Variants in GALNT17 observed in about 807,000 individuals in gnomAD.
GALNT17 encodes UDP-GalNAc:polypeptide N-acetylgalactosaminyltransferase-like 3.
A neutral mutation model predicts 63.7 loss-of-function variants in GALNT17; 29 were observed. That is an observed-to-expected ratio of 0.46 (90% CI 0.34 to 0.62). GALNT17 has a LOEUF of 0.62. Ranked by LOEUF, GALNT17 falls within the 20% of genes least tolerant of loss-of-function variation. The pLI is 0.01. For synonymous variants in GALNT17, 305 were observed against 318.3 expected (o/e 0.96, Z 0.45); for missense variants, 603 against 799.6 (o/e 0.75, Z 2.97).
intron 9 of GALNT17, among the ~76,000 whole-genome samples, chr7:71,704,882 C>G (rs1562743689): frequency 6.6e-6 from 1 of 152,012 alleles, no homozygotes; most frequent in Non-Finnish European, 1.5e-5. Context: ...CATCAAAGAC[C>G]TAAATATAAG....
At chr7:71,682,326 C>T (rs1239894038) in intron 9 of GALNT17, among the ~76,000 whole-genome samples, 2 of 69,622 alleles carry the variant, frequency 2.9e-5, no homozygotes, top group South Asian at 7.4e-4. Context: ...CCTGTGGCCC[C>T]CCACCCTCCC....
At chr7:71,514,073 T>A (rs763536196) in intron 5 of GALNT17, among the ~76,000 whole-genome samples, 15 of 152,170 alleles carry the variant, frequency 9.9e-5, no homozygotes, top group Non-Finnish European at 2.1e-4. Flanking sequence ...CATGTATCTG[T>A]AGTCCTAGCA....
chr7:71,614,436 C>T (rs2116958071), intron 6 of GALNT17, among the ~76,000 whole-genome samples: 1 of 152,170 alleles, frequency 6.6e-6, no homozygotes, highest in Non-Finnish European at 1.5e-5. Flanking sequence ...GCAGATCAGC[C>T]TAGGTAACAT....
chr7:71,402,582 T>A (rs1238740167), intron 3 of GALNT17, among the ~76,000 whole-genome samples: 3 of 152,180 alleles, frequency 2.0e-5, no homozygotes, highest in African/African-American at 7.2e-5. Flanking sequence ...TTCTTGATGA[T>A]TTGGACAGTT....
intron 3 of GALNT17, among the ~76,000 whole-genome samples, chr7:71,400,614 C>G (rs544281383): frequency 3.0e-4 from 46 of 152,200 alleles, no homozygotes; most frequent in African/African-American, 1.1e-3. Flanking sequence ...AAAATAAATT[C>G]CAGACAGAGG....
intron 6 of GALNT17, among the ~76,000 whole-genome samples, chr7:71,624,911 A>G (rs1298232412): frequency 1.3e-5 from 2 of 152,194 alleles, no homozygotes; most frequent in Non-Finnish European, 2.9e-5. Flanking sequence ...ATTCATCATT[A>G]GAGCAATGAC....
At chr7:71,141,458 C>T (rs138040912) in intron 1 of GALNT17, among the ~76,000 whole-genome samples, 22 of 152,066 alleles carry the variant, frequency 1.4e-4, no homozygotes, top group African/African-American at 4.8e-4. Flanking sequence ...GGGCAAGTCC[C>T]TTCACTTTTT....
At chr7:71,594,375 C>T (rs974165984) in intron 6 of GALNT17, among the ~76,000 whole-genome samples, 14 of 152,170 alleles carry the variant, frequency 9.2e-5, no homozygotes, top group African/African-American at 3.4e-4. Context: ...CTGCAACCTC[C>T]GCCTCCCGGG....
chr7:71,206,608 C>T (rs1383571707), intron 1 of GALNT17, among the ~76,000 whole-genome samples: 1 of 152,128 alleles, frequency 6.6e-6, no homozygotes, highest in Non-Finnish European at 1.5e-5. Context: ...AGGCTTTTCC[C>T]AATATGATTA....
chr7:71,321,838 CTCCTTCCTTCCTTTCCT>C (rs1563000882), intron 1 of GALNT17, among the ~76,000 whole-genome samples: 2 of 142,472 alleles, frequency 1.4e-5, no homozygotes, highest in African/African-American at 2.6e-5. Context: ...AGCTCCCTCC[CTCCTTCCTTCCTTTCCT>C]TCCTTCCTTC....
Position 71,356,931 on chromosome 7 carries a change from A to G in GALNT17, c.422+21198A>G, listed in dbSNP as rs576263162. Among the ~76,000 whole-genome samples the G allele has an allele frequency of 2.2e-3, 334 of 151,996 alleles. 2 individuals are homozygous for G. The highest frequency in any genetic ancestry group is 7.7e-3 in the African/African-American group (321 of 41,486). ...CAAGTAGCTGGGATTACAGGCACGC[A>G]CCACCATGCCTGGCTAATTTTTGTA... On this transcript the variant is annotated intron_variant, in intron 2 of 10. Coordinates refer to ENST00000333538, the MANE Select transcript of GALNT17 (RefSeq NM_022479.3).
At chr7:71,582,258 C>G (rs949826987) in intron 6 of GALNT17, among the ~76,000 whole-genome samples, 7 of 151,874 alleles carry the variant, frequency 4.6e-5, no homozygotes, top group African/African-American at 1.7e-4. Context: ...AACCCAAATG[C>G]CCATCAATCA....
chr7:71,262,168 G>A (rs1790396737), intron 1 of GALNT17, among the ~76,000 whole-genome samples: 1 of 152,172 alleles, frequency 6.6e-6, no homozygotes, highest in Non-Finnish European at 1.5e-5. Context: ...CTGGAGTGCA[G>A]TGGTGCGATC....
Position 71,411,090 on chromosome 7 carries a change from G to A in GALNT17, c.590-4799G>A, listed in dbSNP as rs76388761. Among the ~76,000 whole-genome samples, 281 of 152,184 alleles carry A rather than the reference G, an allele frequency of 1.8e-3. 1 individual carries two copies. The highest frequency in any genetic ancestry group is 6.6e-3 in the African/African-American group (273 of 41,542). ...TCCTAGAATGGTTTCATCTGTTAAGGATGATAAAGGATCTTAGGTGAAGGG... is the reference window on the plus strand; with the variant it reads ...TCCTAGAATGGTTTCATCTGTTAAGAATGATAAAGGATCTTAGGTGAAGGG... On this transcript the variant is annotated intron_variant, in intron 3 of 10. Coordinates refer to ENST00000333538, the MANE Select transcript of GALNT17 (RefSeq NM_022479.3).
At chr7:71,144,827 C>T (rs1331969260) in intron 1 of GALNT17, among the ~76,000 whole-genome samples, 4 of 152,140 alleles carry the variant, frequency 2.6e-5, no homozygotes, top group African/African-American at 4.8e-5. Context: ...CTCCTGGACT[C>T]AAGCAATTCT....
At chr7:71,270,025 A>G (rs1038163104) in intron 1 of GALNT17, among the ~76,000 whole-genome samples, 1 of 152,154 alleles carries the variant, frequency 6.6e-6, no homozygotes, top group African/African-American at 2.4e-5. Flanking sequence ...AGCACATAGT[A>G]TTCATTTATA....
At chr7:71,654,103 C>T (rs558569382) in intron 6 of GALNT17, among the ~76,000 whole-genome samples, 2 of 152,158 alleles carry the variant, frequency 1.3e-5, no homozygotes, top group Admixed American at 1.3e-4. Flanking sequence ...GCAGCCTCCA[C>T]CTCCTGAGTT....
At chr7:71,618,478 T>G (rs1317792318) in intron 6 of GALNT17, among the ~76,000 whole-genome samples, 1 of 152,200 alleles carries the variant, frequency 6.6e-6, no homozygotes, top group Non-Finnish European at 1.5e-5. Context: ...CAGCATCTGT[T>G]GTTTCTTGCC....
At chr7:71,362,885 G>A (rs1201301644) in intron 2 of GALNT17, among the ~76,000 whole-genome samples, 5 of 152,076 alleles carry the variant, frequency 3.3e-5, no homozygotes, top group African/African-American at 7.2e-5. Flanking sequence ...TCTCAGCCAC[G>A]CTGAACACTC....
Sources: allele counts gnomAD v4.1 joint callset (sites outside exome capture counted in the v4.1 genomes callset), GRCh38; gene constraint gnomAD v4.1.1; transcripts MANE v1.5; gene names NCBI Gene and HGNC (gene_info 2026-07-23, HGNC 2026-07-21).